The following KCND2 variants were observed in gnomAD, a reference collection of about 807,000 sequenced individuals.
KCND2 encodes potassium voltage-gated channel subfamily D member 2, also known as A-type voltage-gated potassium channel KCND2.
KCND2 carries 16 observed loss-of-function variants against 54.4 expected under a neutral mutation model. The ratio of observed to expected loss-of-function variants is 0.29; its 90% CI spans 0.20 to 0.45. KCND2 has a LOEUF of 0.45. Among genes scored for constraint, KCND2 ranks in the 20% least tolerant of loss-of-function variants. The pLI, the probability that KCND2 is intolerant of heterozygous loss-of-function variation, is 1.00. For synonymous variants in KCND2, 317 were observed against 310.7 expected, an observed-to-expected ratio of 1.02 and a Z score of -0.21; for missense variants, 486 against 824.2, an observed-to-expected ratio of 0.59 and a Z score of 5.02.
chr7:120,369,757 T>G (rs1003679076), intron 1 of KCND2, among the ~76,000 whole-genome samples: 12 of 152,040 alleles, frequency 7.9e-5, no homozygotes, highest in African/African-American at 2.7e-4. Context: ...ATGCTCAAGT[T>G]TGTTCATTCA....
chr7:120,390,512 T>C (rs1411204373), intron 1 of KCND2, among the ~76,000 whole-genome samples: 4 of 151,974 alleles, frequency 2.6e-5, no homozygotes, highest in Non-Finnish European at 5.9e-5. Context: ...CTTAGACAGC[T>C]GAGGGGATTG....
At chr7:120,346,417 T>C (rs1800316602) in intron 1 of KCND2, among the ~76,000 whole-genome samples, 1 of 152,188 alleles carries the variant, frequency 6.6e-6, no homozygotes, top group Non-Finnish European at 1.5e-5. Context: ...AATGGAAGTA[T>C]GAGTTACTAA....
chr7:120,389,453 C>A (rs114361277), intron 1 of KCND2, among the ~76,000 whole-genome samples: 1 of 151,682 alleles, frequency 6.6e-6, no homozygotes, highest in Non-Finnish European at 1.5e-5. Context: ...TCATACCATA[C>A]GTTAGATTTT....
intron 1 of KCND2, among the ~76,000 whole-genome samples, chr7:120,700,576 T>C (rs1792388094): frequency 6.6e-6 from 1 of 152,214 alleles, no homozygotes; most frequent in Non-Finnish European, 1.5e-5. Flanking sequence ...ATCAAAACAT[T>C]ATGGCCCCTT....
chr7:120,436,005 G>A (rs1443454200), intron 1 of KCND2, among the ~76,000 whole-genome samples: 5 of 152,214 alleles, frequency 3.3e-5, no homozygotes, highest in East Asian at 3.9e-4. Flanking sequence ...TATGAGAGCC[G>A]AAATGCTGAA....
intron 1 of KCND2, among the ~76,000 whole-genome samples, chr7:120,426,784 G>A (rs1402383046): frequency 1.3e-5 from 2 of 151,838 alleles, no homozygotes; most frequent in East Asian, 1.9e-4. Flanking sequence ...ACCATGCCCG[G>A]CTAATTTTTT....
intron 1 of KCND2, among the ~76,000 whole-genome samples, chr7:120,548,346 A>G (rs1435630427): frequency 6.6e-6 from 1 of 152,156 alleles, no homozygotes; most frequent in Non-Finnish European, 1.5e-5. Context: ...AAACCACTGC[A>G]GAAACCATTT....
At chr7:120,711,241 CA>C (rs1422839827) in intron 1 of KCND2, among the ~76,000 whole-genome samples, 1 of 151,916 alleles carries the variant, frequency 6.6e-6, no homozygotes, top group African/African-American at 2.4e-5. Context: ...AGCATTTGAT[CA>C]AAAATTCAAA....
rs114192378 is a variant in KCND2 at position 120,713,291 on chromosome 7, C to G, written c.1116-19612C>G. Among the ~76,000 whole-genome samples, 371 of 152,228 alleles carry G rather than the reference C, an allele frequency of 2.4e-3. 3 individuals carry two copies. Among genetic ancestry groups the G allele is most frequent in the African/African-American group, 7.9e-3 (327 of 41,566 alleles). ...AGTCTGCCTGGATCTGAATAGGACA[C>G]TTTGGTGTAATAATCTCCATCACGA... is the stretch of plus-strand genomic sequence containing the variant. On this transcript the variant is annotated intron_variant, in intron 1 of 5. Coordinates refer to ENST00000331113, the MANE Select transcript of KCND2 (RefSeq NM_012281.3).
chr7:120,285,184 A>G (rs6466741), intron 1 of KCND2, among the ~76,000 whole-genome samples: 100,410 of 151,934 alleles, frequency 0.66, 38,056 homozygotes, highest in South Asian at 0.91. Context: ...TTACTCTGGT[A>G]ATAACACTGT....
At chr7:120,623,116 G>T (rs1793122323) in intron 1 of KCND2, among the ~76,000 whole-genome samples, 4 of 152,176 alleles carry the variant, frequency 2.6e-5, no homozygotes, top group Admixed American at 6.5e-5. Context: ...TGGTTGGCTA[G>T]TGTTTAACTT....
At chr7:120,311,124 CAT>C (rs1420105845) in intron 1 of KCND2, among the ~76,000 whole-genome samples, 2 of 152,010 alleles carry the variant, frequency 1.3e-5, no homozygotes, top group Non-Finnish European at 2.9e-5. Flanking sequence ...ATTTTCATGA[CAT>C]ATACGGTTTG....
At chr7:120,588,082 C>G (rs1792622681) in intron 1 of KCND2, among the ~76,000 whole-genome samples, 1 of 152,160 alleles carries the variant, frequency 6.6e-6, no homozygotes, top group South Asian at 2.1e-4. Context: ...TTAATGCATG[C>G]TCTTCTCTCC....
intron 1 of KCND2, among the ~76,000 whole-genome samples, chr7:120,595,036 A>G (rs1792719867): frequency 6.6e-6 from 1 of 151,482 alleles, no homozygotes; most frequent in East Asian, 1.9e-4. Context: ...AAAAAAAAAA[A>G]AAAGAGAGAG....
chr7:120,747,794 G>A lies in KCND2; in HGVS notation c.1829G>A (p.Gly610Glu). 2 of 1,612,762 alleles carry A rather than the reference G, an allele frequency of 1.2e-6. No homozygotes were observed. The highest frequency in any genetic ancestry group is 1.7e-6 in the Non-Finnish European group (2 of 1,179,116). The change falls in exon 6 of 6, where the codon GGA becomes GAA. Residue 610 changes from glycine (G) to glutamate (E), a missense_variant. Around this residue, in one of 7 missense-constraint regions of KCND2, gnomAD observed 202 missense variants for 252.7 expected, o/e 0.80. Transcript: ENST00000331113. ...IPTPPVTTPE[G>E]DDRPESPEYS... is the part of the protein sequence containing the mutation. ...ACACCTCCAGTAACCACACCAGAAG[G>A]AGACGATAGGCCAGAATCCCCTGAG...
chr7:120,284,239 AT>A, intron 1 of KCND2, among the ~76,000 whole-genome samples: 1 of 152,052 alleles, frequency 6.6e-6, no homozygotes, highest in East Asian at 1.9e-4. Context: ...CCAGAGGCCT[AT>A]TTCCTGATAA....
intron 1 of KCND2, among the ~76,000 whole-genome samples, chr7:120,443,819 G>A (rs1801980313): frequency 6.6e-6 from 1 of 151,900 alleles, no homozygotes; most frequent in Non-Finnish European, 1.5e-5. Context: ...ATTTTGCTGT[G>A]TGTCACTAAT....
chr7:120,282,019 G>A (rs771161693), intron 1 of KCND2, among the ~76,000 whole-genome samples: 5 of 152,074 alleles, frequency 3.3e-5, no homozygotes, highest in Non-Finnish European at 7.4e-5. Flanking sequence ...CTCTGCAAAG[G>A]CTAGAATTAA....
At chr7:120,596,699 A>C (rs1792750052) in intron 1 of KCND2, among the ~76,000 whole-genome samples, 1 of 151,174 alleles carries the variant, frequency 6.6e-6, no homozygotes, top group Admixed American at 6.7e-5. Flanking sequence ...GTACCTGATA[A>C]ATATTTATCA....
Sources: allele counts gnomAD v4.1 joint callset (sites outside exome capture counted in the v4.1 genomes callset), GRCh38; gene constraint gnomAD v4.1.1; regional missense constraint gnomAD v4.1.1; transcripts MANE v1.5; gene names NCBI Gene and HGNC (gene_info 2026-07-23, HGNC 2026-07-21).